The following DYM variants were observed in gnomAD, a reference collection of about 807,000 sequenced individuals.
DYM encodes the protein dymeclin, also known as dyggve-Melchior-Clausen syndrome protein.
DYM carries 78 observed loss-of-function variants against 93.1 expected under a neutral mutation model. That is an observed-to-expected ratio of 0.84 (90% CI 0.70 to 1.01). The LOEUF is 1.01. Among genes scored for constraint, DYM ranks in the 50% least tolerant of loss-of-function variants. DYM has a pLI of 0.00. For missense variants in DYM, 789 were observed against 845.0 expected (o/e 0.93, Z 0.82); for synonymous variants, 321 against 319.7 (o/e 1.00, Z -0.04).
intron 16 of DYM, among the ~76,000 whole-genome samples, chr18:49,117,019 C>T (rs2081977476): frequency 6.6e-6 from 1 of 152,280 alleles, no homozygotes; most frequent in South Asian, 2.1e-4. Flanking sequence ...TCCTAAATAT[C>T]AGTGAAGCTA....
At chr18:49,193,834 T>C (rs1345034580) in intron 14 of DYM, among the ~76,000 whole-genome samples, 1 of 152,196 alleles carries the variant, frequency 6.6e-6, no homozygotes, top group Non-Finnish European at 1.5e-5. Context: ...AACATAGAAA[T>C]AAATCATTCT....
intron 17 of DYM, among the ~76,000 whole-genome samples, chr18:49,061,984 G>C (rs565205153): frequency 2.0e-5 from 3 of 152,200 alleles, no homozygotes; most frequent in African/African-American, 7.2e-5. Context: ...GTCTCTCTTT[G>C]AGCCAGTTTG....
Position 49,247,371 on chromosome 18 carries a change from A to G in DYM, c.1460+9639T>C, listed in dbSNP as rs555039888. The stretch of plus-strand genomic sequence containing the variant: ...AACTGTCCTTTGTCCTTGACCCAGG[A>G]GTCTTGGGTGTCCTACCAGAATCTA... On this transcript the variant is annotated intron_variant, in intron 13 of 17. Transcript: ENST00000675505. Among the ~76,000 whole-genome samples the G allele has an allele frequency of 1.2e-4, 19 of 152,326 alleles. No homozygotes were observed. In the South Asian group the frequency reaches 3.9e-3, roughly 32 times the overall value.
intron 1 of DYM, among the ~76,000 whole-genome samples, chr18:49,439,729 A>T (rs2081164299): frequency 6.6e-6 from 1 of 152,158 alleles, no homozygotes; most frequent in Admixed American, 6.6e-5. Flanking sequence ...ACAGGCCAGG[A>T]ACTGTGGCTC....
chr18:49,452,947 G>A lies in DYM; in HGVS notation c.-54+7451C>T, dbSNP rs1421066432. Among the ~76,000 whole-genome samples, 2 of 130,764 alleles carry A rather than the reference G, an allele frequency of 1.5e-5. 1 individual carries two copies. The highest frequency in any genetic ancestry group is 6.1e-5 in the African/African-American group (2 of 32,982). The allele number at this position is 130,764 out of a possible 152,430, so 85.8% of individuals were successfully genotyped here. A position where few individuals can be genotyped will look rare whatever the true frequency, so the allele number is the denominator to read the frequency against. On this transcript the variant is annotated intron_variant, in intron 1 of 17. Coordinates refer to ENST00000675505, the MANE Select transcript of DYM (RefSeq NM_001353214.3). ...TCAGCACCCTGTGTCTAGGCTCAGGGTTTGAGGATGCACCAATCGGCACTC... is the reference window on the plus strand; with the variant it reads ...TCAGCACCCTGTGTCTAGGCTCAGGATTTGAGGATGCACCAATCGGCACTC...
At chr18:49,110,588 C>T (rs1452403275) in intron 16 of DYM, among the ~76,000 whole-genome samples, 5 of 151,978 alleles carry the variant, frequency 3.3e-5, no homozygotes, top group Non-Finnish European at 7.4e-5. Context: ...CTTTGTTCCT[C>T]TGTATATAAT....
chr18:49,136,482 T>G (rs187762297), intron 15 of DYM, among the ~76,000 whole-genome samples: 31 of 152,324 alleles, frequency 2.0e-4, no homozygotes, highest in African/African-American at 7.2e-4. Flanking sequence ...ATAATATTTA[T>G]AAGGGTCTGA....
At chr18:49,167,019 TG>T (rs2087979902) in intron 14 of DYM, among the ~76,000 whole-genome samples, 1 of 145,292 alleles carries the variant, frequency 6.9e-6, no homozygotes, top group Admixed American at 6.7e-5. Context: ...TGTGTGTGTG[TG>T]TGTGTGTGTG....
rs78620663 is a variant in DYM at position 49,307,810 on chromosome 18, G to T, written c.764-21194C>A. Among the ~76,000 whole-genome samples, 1,111 of 152,212 alleles carry T rather than the reference G, an allele frequency of 7.3e-3. 21 individuals are homozygous for T. Among genetic ancestry groups the T allele is most frequent in the African/African-American group, 0.026 (1,065 of 41,528 alleles). The stretch of plus-strand genomic sequence containing the variant: ...CCTTCCTTTGAATAAAAGCAACAAG[G>T]TGCCTCAAAACATGTGCTATGAATC... On this transcript the variant is annotated intron_variant, in intron 8 of 17. Coordinates refer to ENST00000675505, the MANE Select transcript of DYM (RefSeq NM_001353214.3).
intron 17 of DYM, among the ~76,000 whole-genome samples, chr18:49,076,760 T>C (rs183861854): frequency 2.4e-4 from 36 of 152,370 alleles, no homozygotes; most frequent in Admixed American, 2.3e-3. Flanking sequence ...AATCTTCTCA[T>C]TGCACATAAA....
intron 13 of DYM, 31 bp from the exon 14 acceptor site, chr18:49,209,746 GA>G: frequency 8.4e-7 from 1 of 1,190,426 alleles, no homozygotes; most frequent in South Asian, 1.5e-5. Flanking sequence ...GAGAGAAACA[GA>G]AAGAGAGGAG....
At chr18:49,198,112 C>G (rs909820675) in intron 14 of DYM, among the ~76,000 whole-genome samples, 20 of 152,074 alleles carry the variant, frequency 1.3e-4, no homozygotes, top group Admixed American at 3.3e-4. Flanking sequence ...ACAAACCTGA[C>G]AAAAACAAGA....
intron 16 of DYM, among the ~76,000 whole-genome samples, chr18:49,100,690 T>C (rs183496723): frequency 1.3e-3 from 196 of 152,354 alleles, no homozygotes; most frequent in Non-Finnish European, 2.5e-3. Flanking sequence ...AAATCTATCC[T>C]GAATGTTTAT....
chr18:49,221,312 T>G (rs1461558768), intron 13 of DYM, among the ~76,000 whole-genome samples: 2 of 152,018 alleles, frequency 1.3e-5, no homozygotes, highest in Non-Finnish European at 1.5e-5. Context: ...TTGGTGGGAG[T>G]GTAAACTAGT....
chr18:49,452,225 A>G (rs2082578759), intron 1 of DYM, among the ~76,000 whole-genome samples: 1 of 152,108 alleles, frequency 6.6e-6, no homozygotes, highest in Non-Finnish European at 1.5e-5. Flanking sequence ...CTGGCTTAGG[A>G]GTGAAGCGGC....
Position 49,214,412 on chromosome 18 carries a change from G to A in DYM, c.1461-4697C>T, listed in dbSNP as rs373938696. On this transcript the variant is annotated intron_variant, in intron 13 of 17. Coordinates refer to ENST00000675505, the MANE Select transcript of DYM (RefSeq NM_001353214.3). Reference sequence around the variant, plus strand: ...AATGCCTGATGATCTGATCTGAAGTGGAACGGTTTCATCCCAAAACCATCC... The same window carrying A: ...AATGCCTGATGATCTGATCTGAAGTAGAACGGTTTCATCCCAAAACCATCC... 3.0e-4 allele frequency among the ~76,000 whole-genome samples: 45 copies of A among 152,226 alleles called. 1 individual carries two copies. In the South Asian group the frequency reaches 8.5e-3, roughly 29 times the overall value.
At chr18:49,254,197 A>G (rs932634730) in intron 13 of DYM, among the ~76,000 whole-genome samples, 6 of 151,518 alleles carry the variant, frequency 4.0e-5, no homozygotes, top group Non-Finnish European at 7.4e-5. Context: ...CACCCCCTCC[A>G]TAGCAATTTT....
At chr18:49,183,490 T>A (rs9967370) in intron 14 of DYM, among the ~76,000 whole-genome samples, 3,804 of 151,888 alleles carry the variant, frequency 0.025, 155 homozygotes, top group African/African-American at 0.086. Context: ...CTCACTTCCC[T>A]CCCCTATACA....
chr18:49,389,034 C>G (rs1403407795), intron 3 of DYM, among the ~76,000 whole-genome samples: 2 of 151,886 alleles, frequency 1.3e-5, no homozygotes, highest in Non-Finnish European at 2.9e-5. Flanking sequence ...TTGATATGCA[C>G]TTATACTTAT....
Sources: allele counts gnomAD v4.1 joint callset (sites outside exome capture counted in the v4.1 genomes callset), GRCh38; gene constraint gnomAD v4.1.1; transcripts MANE v1.5; gene names NCBI Gene and HGNC (gene_info 2026-07-23, HGNC 2026-07-21).